Variants in ZNF585A observed in about 807,000 individuals in gnomAD.
ZNF585A encodes the protein zinc finger protein 585A.
A neutral mutation model predicts 14.9 loss-of-function variants in ZNF585A; 9 were observed. The ratio of observed to expected loss-of-function variants is 0.60; its 90% CI spans 0.36 to 1.05. The LOEUF (loss-of-function observed/expected upper bound fraction) is 1.05, where lower values mean the gene tolerates loss of function less well. Among genes scored for constraint, ZNF585A ranks in the 50% least tolerant of loss-of-function variants. The pLI is 0.01. For missense variants in ZNF585A, 726 were observed against 926.4 expected, an observed-to-expected ratio of 0.78 and a Z score of 2.81; for synonymous variants, 276 against 319.9, an observed-to-expected ratio of 0.86 and a Z score of 1.46.
chr19:37,152,458 G>A lies in ZNF585A; in HGVS notation c.1441C>T (p.Leu481Phe), dbSNP rs1338695760. The change falls in exon 5 of 5, where the codon CTC becomes TTC. Residue 481 changes from leucine to phenylalanine, a missense_variant. Physicochemically the swap from Leu to Phe is conservative, Grantham distance 22. Transcript: ENST00000292841. ...GTATGAGTTTTCTGATGTGTAATGA[G>A]ATTTGACCGGTTGGTGAATGCCTTC... is the stretch of plus-strand genomic sequence containing the variant. ...CGKAFTNRSN[L>F]ITHQKTHTGE... 1 of 1,613,950 alleles carries A rather than the reference G, an allele frequency of 6.2e-7. No individual in the cohort carries two copies. The highest frequency in any genetic ancestry group is 1.3e-5 in the African/African-American group (1 of 74,890).
chr19:37,157,329 A>G (rs1971947368), intron 2 of ZNF585A, among the ~76,000 whole-genome samples: 2 of 152,204 alleles, frequency 1.3e-5, no homozygotes, highest in South Asian at 4.1e-4. Context: ...GACCTGCGAT[A>G]TGCTTTCTGA....
chr19:37,170,345 C>T (rs367888957), intron 1 of ZNF585A, among the ~76,000 whole-genome samples: 2 of 152,170 alleles, frequency 1.3e-5, no homozygotes, highest in Non-Finnish European at 2.9e-5. Flanking sequence ...TGAGAACCAG[C>T]GCTGAGGAGA....
chr19:37,171,633 G>T (rs958315708), intron 1 of ZNF585A, among the ~76,000 whole-genome samples: 5 of 152,208 alleles, frequency 3.3e-5, no homozygotes, highest in African/African-American at 1.2e-4. Context: ...GGGCGCAGTG[G>T]CTCACGCCTG....
At position 37,156,152 on chromosome 19, in the gene ZNF585A, C is replaced by T. The variant is rs183637346; in HGVS notation, c.199+77G>A. 5.9e-3 allele frequency: 9,346 copies of T among 1,581,250 alleles called. 46 individuals carry two copies. Among genetic ancestry groups the T allele is most frequent in the Non-Finnish European group, 7.3e-3 (8,490 of 1,163,916 alleles). Reference sequence around the variant, plus strand: ...ACAAAATCATCACCTATTTAAGATGCGGACAGCATTCACCAACTGAGAATG... The same window carrying T: ...ACAAAATCATCACCTATTTAAGATGTGGACAGCATTCACCAACTGAGAATG... On this transcript the variant is annotated intron_variant, in intron 3 of 4. Transcript: ENST00000292841.
Position 37,146,482 on chromosome 19 carries a change from G to A in ZNF585A, c.*5107C>T, listed in dbSNP as rs1449854943. ...TCCTGGCATTATGGGAAGTGTCCAT[G>A]ACAACCTTGGCTTTAAGCTGACTTT... On this transcript the variant is annotated 3_prime_UTR_variant, in exon 5 of 5. Transcript: ENST00000292841. 6.6e-6 allele frequency: 1 copy of A among 152,212 alleles called. No individual in the cohort carries two copies. The highest frequency in any genetic ancestry group is 2.4e-5 in the African/African-American group (1 of 41,444). The allele number at this position is 152,212 out of a possible 1,614,324, so 9.4% of individuals were successfully genotyped here.
rs746194945 is a variant in ZNF585A, at chr19:37,153,282, C to A, written c.617G>T (p.Arg206Ile). The A allele has an allele frequency of 5.6e-6, 9 of 1,614,194 alleles. No individual in the cohort carries two copies. Among genetic ancestry groups the A allele is most frequent in the South Asian group, 5.5e-5 (5 of 91,088 alleles). Residue 206 changes from arginine to isoleucine, a missense_variant, in exon 5 of 5, where the codon AGA (arginine) becomes ATA (isoleucine). Arg to Ile is a moderately conservative substitution (Grantham distance 97). Around this residue, in one of 2 missense-constraint regions of ZNF585A, gnomAD observed 483 missense variants for 542.8 expected, o/e 0.89. Coordinates refer to ENST00000292841, the MANE Select transcript of ZNF585A (RefSeq NM_001288800.2). ...ATAGAGTTTCTCTCCGGTATGAATT[C>A]TCTGATGCCTGAAGAGGGACGACAC... is the stretch of plus-strand genomic sequence containing the variant. ...FQVSSLFRHQ[R>I]IHTGEKLYEC...
intron 2 of ZNF585A, among the ~76,000 whole-genome samples, chr19:37,167,286 T>G (rs1972107355): frequency 1.3e-5 from 2 of 152,052 alleles, no homozygotes; most frequent in South Asian, 4.2e-4. Flanking sequence ...GCAATTATCC[T>G]GCCTCAGCCT....
Position 37,169,861 on chromosome 19 carries a change from T to A in ZNF585A, c.50A>T (p.Glu17Val), listed in dbSNP as rs1195517197. ...SPQKSSALAP[E>V]DHGSSYEGSV... ...CACCTCATAGGAGCTGCCATGATCC[T>A]CTGGAGCCAGGGCTGAGGATTTCTG... Residue 17 changes from glutamate (E) to valine (V), a missense_variant, in exon 2 of 5, where the codon GAG (glutamate) becomes GTG (valine). Glu to Val is a moderately radical substitution (Grantham distance 121). Transcript: ENST00000292841. 1 of 1,613,194 alleles carries A rather than the reference T, an allele frequency of 6.2e-7. No individual in the cohort carries two copies. Among genetic ancestry groups the A allele is most frequent in the Admixed American group, 1.7e-5 (1 of 60,022 alleles).
At chr19:37,165,801 A>G (rs1410852438) in intron 2 of ZNF585A, 1 of 208,950 alleles carries the variant, frequency 4.8e-6, no homozygotes, top group Non-Finnish European at 8.3e-6. Context: ...AAAATGCATG[A>G]CCTTTCCATT....
Position 37,152,036 on chromosome 19 carries a change from G to C in ZNF585A, c.1863C>G (p.Leu621=). 6.2e-7 allele frequency: 1 copy of C among 1,611,072 alleles called. No homozygotes were observed. The highest frequency in any genetic ancestry group is 1.1e-5 in the South Asian group (1 of 90,872). ...CGKSFTSKSQ[L]LVHQPVHTGE... ...CTGTGTGAACTGGCTGATGCACCAG[G>C]AGCTGAGACTTGGAGGTAAAGGACT... Residue 621 remains leucine (L), a synonymous_variant, in exon 5 of 5, where the codon CTC becomes CTG. Coordinates refer to ENST00000292841, the MANE Select transcript of ZNF585A (RefSeq NM_001288800.2).
At chr19:37,168,463 CATT>C (rs1347009465) in intron 2 of ZNF585A, among the ~76,000 whole-genome samples, 34 of 152,186 alleles carry the variant, frequency 2.2e-4, no homozygotes, top group African/African-American at 7.7e-4. Context: ...ACCACTCTGT[CATT>C]ATACTTGAGC....
intron 2 of ZNF585A, among the ~76,000 whole-genome samples, chr19:37,163,690 A>T (rs192636485): frequency 2.0e-5 from 3 of 152,228 alleles, no homozygotes; most frequent in Non-Finnish European, 4.4e-5. Flanking sequence ...ATACTGTCTT[A>T]AAGAGTAGAT....
At position 37,151,409 on chromosome 19, in the gene ZNF585A, T is replaced by C. The variant is rs1971826322; in HGVS notation, c.*180A>G. ...CAAGGTTTACTGGGGATGGTGACAATGTAGGAAGGGTCCCTCGCCTCATTC... is the reference window on the plus strand; with the variant it reads ...CAAGGTTTACTGGGGATGGTGACAACGTAGGAAGGGTCCCTCGCCTCATTC... On this transcript the variant is annotated 3_prime_UTR_variant, in exon 5 of 5. Transcript: ENST00000292841. 1.8e-6 allele frequency: 1 copy of C among 554,616 alleles called. No individual in the cohort carries two copies. The highest frequency in any genetic ancestry group is 2.8e-5 in the East Asian group (1 of 35,236). The allele number at this position is 554,616 out of a possible 1,614,324, so 34.4% of individuals were successfully genotyped here.
At chr19:37,157,352 G>A (rs113471193) in intron 2 of ZNF585A, among the ~76,000 whole-genome samples, 94 of 152,220 alleles carry the variant, frequency 6.2e-4, no homozygotes, top group East Asian at 3.3e-3. Context: ...AATTTAGGAC[G>A]AGCCCTTATG....
At chr19:37,167,589 T>TTTTTA (rs59039152) in intron 2 of ZNF585A, among the ~76,000 whole-genome samples, 22,235 of 144,078 alleles carry the variant, frequency 0.15, 1,927 homozygotes, top group Middle Eastern at 0.23. Flanking sequence ...TTACTTTTTA[T>TTTTTA]TTTTATTTTA....
At chr19:37,170,563 A>T (rs761578751) in intron 1 of ZNF585A, among the ~76,000 whole-genome samples, 1 of 152,196 alleles carries the variant, frequency 6.6e-6, no homozygotes, top group Non-Finnish European at 1.5e-5. Flanking sequence ...GGCTCACTGC[A>T]AGCTCTGCCT....
chr19:37,169,726 C>T, intron 2 of ZNF585A, 113 bp downstream of exon 2: 3 of 1,256,994 alleles, frequency 2.4e-6, no homozygotes, highest in Non-Finnish European at 3.3e-6. Context: ...GGTCTAGAGT[C>T]CAGCTGCTTC....
chr19:37,155,647 C>A (rs1971915229), intron 4 of ZNF585A, among the ~76,000 whole-genome samples: 1 of 151,998 alleles, frequency 6.6e-6, no homozygotes, highest in African/African-American at 2.4e-5. Flanking sequence ...ACAGCCCCGG[C>A]TGCGACCCAG....
chr19:37,152,113 G>A lies in ZNF585A; in HGVS notation c.1786C>T (p.His596Tyr), dbSNP rs1971841255. ...TTCTCTCCAGTATGAATTCTTTGAT[G>A]AGTAATAAAGTTTGACTTGCGGATG... ...AFIRKSNFITHQRIHTGEKPY... is the reference protein window; with the variant it reads ...AFIRKSNFITYQRIHTGEKPY... Residue 596 changes from histidine (H) to tyrosine (Y), a missense_variant, in exon 5 of 5, where the codon CAT becomes TAT. This residue lies in a region of ZNF585A where 243 missense variants were observed against 383.6 expected (regional missense o/e 0.63). Coordinates refer to ENST00000292841, the MANE Select transcript of ZNF585A (RefSeq NM_001288800.2). The A allele has an allele frequency of 6.2e-7, 1 of 1,600,640 alleles. No individual in the cohort carries two copies. Among genetic ancestry groups the A allele is most frequent in the African/African-American group, 1.4e-5 (1 of 74,002 alleles).
Sources: allele counts gnomAD v4.1 joint callset (sites outside exome capture counted in the v4.1 genomes callset), GRCh38; gene constraint gnomAD v4.1.1; regional missense constraint gnomAD v4.1.1; transcripts MANE v1.5; gene names NCBI Gene and HGNC (gene_info 2026-07-23, HGNC 2026-07-21).